The following GALNT13 variants were observed in gnomAD, a reference collection of about 807,000 sequenced individuals.
The protein encoded by GALNT13 is polypeptide N-acetylgalactosaminyltransferase 13.
A neutral mutation model predicts 64.2 loss-of-function variants in GALNT13; 28 were observed. That is an observed-to-expected ratio of 0.44 (90% confidence interval 0.32 to 0.60). The LOEUF (loss-of-function observed/expected upper bound fraction) is 0.60, where lower values mean the gene tolerates loss of function less well. Among genes scored for constraint, GALNT13 ranks in the 20% least tolerant of loss-of-function variants. GALNT13 has a pLI of 0.05. For missense variants in GALNT13, 577 were observed against 669.8 expected (o/e 0.86, Z 1.53); for synonymous variants, 214 against 224.6 (o/e 0.95, Z 0.42).
intron 4 of GALNT13, among the ~76,000 whole-genome samples, chr2:154,203,762 A>C (rs114418234): frequency 0.023 from 3,551 of 152,280 alleles, 77 homozygotes; most frequent in Non-Finnish European, 0.037. Context: ...CTATTCATCC[A>C]GCTCTATAAT....
At chr2:153,234,628 A>G in the GALNT13 span, among the ~76,000 whole-genome samples, 57 of 152,290 alleles carry the variant, frequency 3.7e-4, no homozygotes, top group Non-Finnish European at 6.2e-4. Flanking sequence ...ATACCATAAT[A>G]TCATCTACAT....
the GALNT13 span, among the ~76,000 whole-genome samples, chr2:153,746,078 TA>T: frequency 6.6e-6 from 1 of 152,132 alleles, no homozygotes; most frequent in Admixed American, 6.6e-5. Flanking sequence ...CTTCAATGAA[TA>T]AAAGTAAAAT....
chr2:154,344,854 T>A (rs1420951188), intron 9 of GALNT13, among the ~76,000 whole-genome samples: 2 of 151,972 alleles, frequency 1.3e-5, no homozygotes, highest in Non-Finnish European at 2.9e-5. Flanking sequence ...AAGGAAAGAT[T>A]AATTTTGAGC....
chr2:154,212,776 A>G (rs1048440429), intron 4 of GALNT13, among the ~76,000 whole-genome samples: 1 of 151,990 alleles, frequency 6.6e-6, no homozygotes, highest in African/African-American at 2.4e-5. Context: ...CTAGAGAAAT[A>G]ATCTGGTGGA....
the GALNT13 span, among the ~76,000 whole-genome samples, chr2:153,660,911 A>T: frequency 2.0e-5 from 3 of 152,136 alleles, no homozygotes; most frequent in Admixed American, 6.6e-5. Flanking sequence ...ATGGGATGGG[A>T]CAGCATTGGA....
chr2:154,249,388 G>A (rs1422532957), intron 7 of GALNT13, among the ~76,000 whole-genome samples: 2 of 152,074 alleles, frequency 1.3e-5, no homozygotes, highest in Non-Finnish European at 2.9e-5. Context: ...TCCAAGTGTG[G>A]ATGTACAGGA....
the GALNT13 span, among the ~76,000 whole-genome samples, chr2:153,193,372 C>A: frequency 6.7e-6 from 1 of 148,588 alleles, no homozygotes; most frequent in African/African-American, 2.5e-5. Context: ...CGCATATTCT[C>A]ACTCATAGGT....
At chr2:153,153,457 T>G in the GALNT13 span, among the ~76,000 whole-genome samples, 1 of 152,124 alleles carries the variant, frequency 6.6e-6, no homozygotes, top group Non-Finnish European at 1.5e-5. Context: ...ATTCGTGAAA[T>G]CTTTGCCTGT....
At chr2:153,960,082 G>T (rs1380475979) in intron 3 of GALNT13, among the ~76,000 whole-genome samples, 1 of 152,212 alleles carries the variant, frequency 6.6e-6, no homozygotes, top group Admixed American at 6.5e-5. Context: ...CTGCCTGCCA[G>T]GGAAAATAGT....
the GALNT13 span, among the ~76,000 whole-genome samples, chr2:153,161,886 T>C: frequency 6.6e-6 from 1 of 152,226 alleles, no homozygotes; most frequent in African/African-American, 2.4e-5. Context: ...TTTATGATAC[T>C]TGATTATCTA....
At chr2:153,831,028 A>G in the GALNT13 span, among the ~76,000 whole-genome samples, 1 of 152,198 alleles carries the variant, frequency 6.6e-6, no homozygotes, top group Non-Finnish European at 1.5e-5. Context: ...GCATTGGTTG[A>G]AAATTATTTT....
intron 9 of GALNT13, among the ~76,000 whole-genome samples, chr2:154,342,847 T>C (rs975227056): frequency 6.7e-4 from 101 of 151,022 alleles, no homozygotes; most frequent in African/African-American, 2.2e-3. Context: ...TGTGTGTGTG[T>C]GCGAGATTTC....
At chr2:154,265,250 G>A (rs1690927832) in intron 8 of GALNT13, among the ~76,000 whole-genome samples, 1 of 150,892 alleles carries the variant, frequency 6.6e-6, no homozygotes, top group South Asian at 2.1e-4. Flanking sequence ...CTCACAGAAA[G>A]AAAAAATAGA....
chr2:153,963,783 T>TGTG (rs1693125317), intron 3 of GALNT13, among the ~76,000 whole-genome samples: 1 of 113,040 alleles, frequency 8.8e-6, no homozygotes, highest in African/African-American at 3.1e-5. Context: ...GTGTGTGTGT[T>TGTG]TGGCCAGACT....
At chr2:153,100,525 C>A in the GALNT13 span, among the ~76,000 whole-genome samples, 2 of 152,182 alleles carry the variant, frequency 1.3e-5, no homozygotes, top group African/African-American at 4.8e-5. Context: ...GAATTACTCT[C>A]CTTAAATGTG....
intron 3 of GALNT13, among the ~76,000 whole-genome samples, chr2:154,102,462 G>A (rs1702397461): frequency 6.6e-6 from 1 of 152,222 alleles, no homozygotes; most frequent in Non-Finnish European, 1.5e-5. Context: ...GAAAACCAGT[G>A]CACTAAACAT....
At chr2:154,229,872 A>G (rs573917039) in intron 4 of GALNT13, among the ~76,000 whole-genome samples, 3 of 152,122 alleles carry the variant, frequency 2.0e-5, no homozygotes, top group Admixed American at 6.6e-5. Flanking sequence ...AAGCCTTTAG[A>G]CTTTATCATT....
At chr2:153,478,483 C>A in the GALNT13 span, 1 of 1,612,662 alleles carries the variant, frequency 6.2e-7, no homozygotes, top group African/African-American at 1.3e-5. Context: ...GGTGCAGCAG[C>A]GCACGGCTCG....
At chr2:153,092,774 G>A in the GALNT13 span, among the ~76,000 whole-genome samples, 1 of 152,054 alleles carries the variant, frequency 6.6e-6, no homozygotes. Flanking sequence ...CATATCATCT[G>A]CAAAACAAAG....
Sources: gnomAD v4.1 joint callset for allele counts (sites outside exome capture counted in the v4.1 genomes callset) on GRCh38, gnomAD v4.1.1 for gene constraint, MANE v1.5 for transcripts, NCBI Gene and HGNC (gene_info 2026-07-23, HGNC 2026-07-21) for gene names.